DNAI4: variants seen among roughly 807,000 people sequenced by gnomAD.
DNAI4 encodes the protein WD repeat domain 78.
DNAI4 carries 85 observed loss-of-function variants against 105.8 expected under a neutral mutation model. The observed-to-expected ratio is 0.80, with a 90% CI of 0.67 to 0.96. The LOEUF (loss-of-function observed/expected upper bound fraction) is 0.96, where lower values mean the gene tolerates loss of function less well. DNAI4 is among the 40% of genes least tolerant of loss of function. DNAI4 has a pLI of 0.00. For synonymous variants in DNAI4, 352 were observed against 331.5 expected (o/e 1.06, Z -0.67); for missense variants, 1,014 against 1,005.6 (o/e 1.01, Z -0.11).
chr1:66,874,757 T>A, intron 5 of DNAI4, 24 bp downstream of exon 5: 1 of 1,581,978 alleles, frequency 6.3e-7, no homozygotes, highest in Non-Finnish European at 8.5e-7. Context: ...ACAGAAACAA[T>A]GTAGACAACT....
At chr1:66,886,322 A>G (rs1647199580) in intron 4 of DNAI4, among the ~76,000 whole-genome samples, 1 of 152,202 alleles carries the variant, frequency 6.6e-6, no homozygotes, top group South Asian at 2.1e-4. Context: ...AATTTGTATC[A>G]TAACAGCCTG....
At chr1:66,908,422 T>C (rs1279693870) in intron 1 of DNAI4, among the ~76,000 whole-genome samples, 2 of 152,154 alleles carry the variant, frequency 1.3e-5, no homozygotes, top group African/African-American at 4.8e-5. Flanking sequence ...AATCACCCCA[T>C]GGCCAAATCT....
chr1:66,847,812 T>C (rs1463914806), intron 7 of DNAI4, 134 bp from the exon 8 acceptor site: 1 of 698,002 alleles, frequency 1.4e-6, no homozygotes, highest in Non-Finnish European at 2.3e-6. Flanking sequence ...TAGACATTTA[T>C]TGAATATCTT....
chr1:66,922,219 G>A (rs1042985918), intron 1 of DNAI4, among the ~76,000 whole-genome samples: 3 of 152,110 alleles, frequency 2.0e-5, no homozygotes, highest in Non-Finnish European at 4.4e-5. Context: ...GAGCCACTGT[G>A]CCTGGCAGGA....
chr1:66,848,357 G>T (rs1223717886), intron 7 of DNAI4: 1 of 423,944 alleles, frequency 2.4e-6, no homozygotes. Context: ...GATTAGACTG[G>T]GCCCAATAAG....
intron 6 of DNAI4, chr1:66,871,151 A>G: frequency 2.1e-6 from 1 of 472,166 alleles, no homozygotes; most frequent in Non-Finnish European, 3.7e-6. Flanking sequence ...AGTATGCATA[A>G]AAACCAAGAT....
At chr1:66,889,554 G>A (rs1009274662) in intron 4 of DNAI4, among the ~76,000 whole-genome samples, 6 of 152,114 alleles carry the variant, frequency 3.9e-5, no homozygotes, top group Non-Finnish European at 7.4e-5. Context: ...TGGGTATTCT[G>A]TTACTTGCTG....
chr1:66,907,248 G>A (rs1048555281), intron 1 of DNAI4, among the ~76,000 whole-genome samples: 5 of 152,000 alleles, frequency 3.3e-5, no homozygotes, highest in South Asian at 2.1e-4. Context: ...TCTCAGATTC[G>A]TTTCTGTCAT....
At chr1:66,823,437 C>T (rs1351853689) in intron 15 of DNAI4, among the ~76,000 whole-genome samples, 1 of 151,668 alleles carries the variant, frequency 6.6e-6, no homozygotes, top group Non-Finnish European at 1.5e-5. Flanking sequence ...AATGGGATGG[C>T]TGGGTCAAAT....
chr1:66,905,860 A>T (rs1350963997), intron 1 of DNAI4, among the ~76,000 whole-genome samples: 2 of 152,120 alleles, frequency 1.3e-5, no homozygotes, highest in Non-Finnish European at 2.9e-5. Context: ...AGGCAGATTT[A>T]AACATGATTA....
intron 10 of DNAI4, chr1:66,837,491 A>T: frequency 1.8e-6 from 1 of 563,660 alleles, no homozygotes. Context: ...AGCATATAGT[A>T]CACATTCAAT....
intron 9 of DNAI4, among the ~76,000 whole-genome samples, chr1:66,839,637 A>G (rs1646105388): frequency 6.6e-6 from 1 of 152,220 alleles, no homozygotes. Context: ...TAACTGGGAA[A>G]TATCTTCAGA....
At chr1:66,823,834 G>A (rs1645687974) in intron 15 of DNAI4, among the ~76,000 whole-genome samples, 1 of 151,020 alleles carries the variant, frequency 6.6e-6, no homozygotes, top group African/African-American at 2.4e-5. Context: ...AGTAGGTTGT[G>A]AAAATTTTCT....
chr1:66,843,857 T>C (rs1343788401), intron 8 of DNAI4, among the ~76,000 whole-genome samples: 1 of 152,136 alleles, frequency 6.6e-6, no homozygotes, highest in Admixed American at 6.5e-5. Flanking sequence ...TTCTATTCTA[T>C]ATATTTGTTT....
At chr1:66,822,289 C>T (rs1049412013) in intron 16 of DNAI4, 72 bp downstream of exon 16, 1 of 1,321,862 alleles carries the variant, frequency 7.6e-7, no homozygotes, top group Non-Finnish European at 1.0e-6. Flanking sequence ...AATGTAAATC[C>T]TTTGCATGCT....
intron 2 of DNAI4, among the ~76,000 whole-genome samples, chr1:66,900,275 A>G (rs1648699066): frequency 6.6e-6 from 1 of 151,864 alleles, no homozygotes; most frequent in South Asian, 2.1e-4. Flanking sequence ...CTAACTTTGT[A>G]TTTTTAGTAG....
chr1:66,899,217 C>A (rs192437023), intron 2 of DNAI4, among the ~76,000 whole-genome samples: 48 of 152,300 alleles, frequency 3.2e-4, no homozygotes, highest in African/African-American at 1.1e-3. Flanking sequence ...TATATTCCCA[C>A]AAGCAGTGTA....
chr1:66,833,349 A>G (rs971655903), intron 13 of DNAI4, among the ~76,000 whole-genome samples: 1 of 152,100 alleles, frequency 6.6e-6, no homozygotes, highest in African/African-American at 2.4e-5. Context: ...CAGTTTCATC[A>G]TCCCCCAAAA....
chr1:66,833,445 C>T, intron 13 of DNAI4, 140 bp downstream of exon 13: 1 of 989,714 alleles, frequency 1.0e-6, no homozygotes, highest in Non-Finnish European at 1.4e-6. Context: ...CCCAGGCAAT[C>T]ATTTATCTAC....
Sources: gnomAD v4.1 joint callset for allele counts (sites outside exome capture counted in the v4.1 genomes callset) on GRCh38, gnomAD v4.1.1 for gene constraint, MANE v1.5 for transcripts, NCBI Gene and HGNC (gene_info 2026-07-23, HGNC 2026-07-21) for gene names.